DENND3: variants seen among roughly 807,000 people sequenced by gnomAD.
DENND3 encodes DENN domain-containing protein 3.
In DENND3, 88 loss-of-function variants were observed where a neutral mutation model predicts 135.1. That is an observed-to-expected ratio of 0.65 (90% confidence interval 0.55 to 0.78). The LOEUF (loss-of-function observed/expected upper bound fraction) is 0.78. DENND3 is among the 30% of genes least tolerant of loss of function. The pLI is 0.00. For missense variants in DENND3, 1,392 were observed against 1,688.4 expected (o/e 0.82, Z 3.08); for synonymous variants, 693 against 712.3 (o/e 0.97, Z 0.43).
rs1376968816 is a variant in DENND3, at chr8:141,182,671, T to C, written c.2944+1817T>C. On this transcript the variant is annotated intron_variant, in intron 17 of 22. Coordinates refer to ENST00000519811, the MANE Select transcript of DENND3 (RefSeq NM_001352890.3). The surrounding 1 kb of genome is among the most constrained non-coding windows in gnomAD (Gnocchi z 5.9). The stretch of plus-strand genomic sequence containing the variant: ...CTGTGGCTGCCGATTCTGGAAGGGG[T>C]GGCCGAGAAGCTGGTAGCCGAGCAG... Among the ~76,000 whole-genome samples, 1 of 151,918 alleles carries C rather than the reference T, an allele frequency of 6.6e-6. No individual in the cohort carries two copies. Among genetic ancestry groups the C allele is most frequent in the Non-Finnish European group, 1.5e-5 (1 of 67,974 alleles).
chr8:141,180,342 C>T (rs1434866571), intron 16 of DENND3, among the ~76,000 whole-genome samples: 1 of 152,238 alleles, frequency 6.6e-6, no homozygotes, highest in Non-Finnish European at 1.5e-5. Flanking sequence ...TGGGTTTCAT[C>T]TTGGGAGGGC....
Position 141,141,522 on chromosome 8 carries a change from G to A in DENND3, c.623+198G>A. ...CTTAGGCTGTTGCTTAAGGCTGGGG[G>A]CAGTGGGCAGGGGGTGTGGCAGCGG... On this transcript the variant is annotated intron_variant, in intron 4 of 22. Coordinates refer to ENST00000519811, the MANE Select transcript of DENND3 (RefSeq NM_001352890.3). The surrounding 1 kb of genome is among the most constrained non-coding windows in gnomAD (Gnocchi z 5.3). The A allele has an allele frequency of 3.3e-6, 2 of 608,756 alleles. No individual in the cohort carries two copies. Among genetic ancestry groups the A allele is most frequent in the South Asian group, 2.0e-5 (1 of 49,900 alleles). The allele number at this position is 608,756 out of a possible 1,614,324, so 37.7% of individuals were successfully genotyped here.
chr8:141,181,149 C>T (rs564938141), intron 17 of DENND3, among the ~76,000 whole-genome samples: 15 of 152,284 alleles, frequency 9.9e-5, no homozygotes, highest in East Asian at 9.7e-4. Context: ...CTAGAGCAGT[C>T]GACGGTCACG....
In DENND3 at chr8:141,139,675, C is replaced by T. The variant is rs1817216103; in HGVS notation, c.502-1528C>T. Among the ~76,000 whole-genome samples, 1 of 152,128 alleles carries T rather than the reference C, an allele frequency of 6.6e-6. No homozygotes were observed. Among genetic ancestry groups the T allele is most frequent in the Non-Finnish European group, 1.5e-5 (1 of 68,026 alleles). ...AATAACACTTACCAGGAGCAATGCG[C>T]ATGTTGTTTTCGTTATCATTAAATA... is the stretch of plus-strand genomic sequence containing the variant. On this transcript the variant is annotated intron_variant, in intron 3 of 22. Coordinates refer to ENST00000519811, the MANE Select transcript of DENND3 (RefSeq NM_001352890.3). The surrounding 1 kb of genome is among the most constrained non-coding windows in gnomAD (Gnocchi z 4.2).
intron 9 of DENND3, among the ~76,000 whole-genome samples, chr8:141,162,750 C>T (rs1820290718): frequency 6.6e-6 from 1 of 152,054 alleles, no homozygotes; most frequent in Admixed American, 6.6e-5. Context: ...CCCATCTCTA[C>T]TAAAAATATA....
chr8:141,190,600 CT>C, intron 20 of DENND3, 183 bp downstream of exon 20: 8 of 838,126 alleles, frequency 9.5e-6, no homozygotes, highest in African/African-American at 1.7e-5. Flanking sequence ...CTCCTGGGGG[CT>C]CCCCAGGCCT....
chr8:141,150,229 C>G (rs920265185), intron 5 of DENND3: 60 of 1,002,966 alleles, frequency 6.0e-5, no homozygotes, highest in Non-Finnish European at 7.4e-5. Context: ...CTGGCAGGCT[C>G]AGAAGCCCTC....
intron 7 of DENND3, among the ~76,000 whole-genome samples, chr8:141,155,280 C>T (rs1819305176): frequency 6.6e-6 from 1 of 152,028 alleles, no homozygotes; most frequent in Non-Finnish European, 1.5e-5. Flanking sequence ...GTTTATTTTA[C>T]CACAATTAAG....
intron 7 of DENND3, among the ~76,000 whole-genome samples, chr8:141,153,601 T>C (rs1204231625): frequency 6.6e-6 from 1 of 152,162 alleles, no homozygotes; most frequent in Non-Finnish European, 1.5e-5. Context: ...GGGTCCCCGC[T>C]GCGGGGGAGA....
In DENND3 at chr8:141,175,626, AAGGCTGATACCTTCTC is replaced by A; in HGVS notation, c.2535+170_2535+185del. 1 of 981,058 alleles carries A rather than the reference AAGGCTGATACCTTCTC, an allele frequency of 1.0e-6. No individual in the cohort carries two copies. Among genetic ancestry groups the A allele is most frequent in the South Asian group, 1.4e-5 (1 of 73,334 alleles). The allele number at this position is 981,058 out of a possible 1,614,324, so 60.8% of individuals were successfully genotyped here. On this transcript the variant is annotated intron_variant, in intron 14 of 22. Coordinates refer to ENST00000519811, the MANE Select transcript of DENND3 (RefSeq NM_001352890.3). This position sits in a 1 kb window ranked among gnomAD's most constrained non-coding sequence, Gnocchi z 5.4. The stretch of plus-strand genomic sequence containing the variant: ...GTTTGCTCATCTGTAAAGTAGGAAT[AAGGCTGATACCTTCTC>A]AGTGGGTGGTGGAGATTGAATAGTT...
At chr8:141,171,996 C>T (rs1179487704) in intron 13 of DENND3, among the ~76,000 whole-genome samples, 2 of 141,080 alleles carry the variant, frequency 1.4e-5, no homozygotes, top group Non-Finnish European at 3.0e-5. Flanking sequence ...TGGTGGTGGC[C>T]GTGCACAGTG....
At chr8:141,159,513 G>A (rs1038656796) in intron 8 of DENND3, among the ~76,000 whole-genome samples, 10 of 152,188 alleles carry the variant, frequency 6.6e-5, no homozygotes, top group Non-Finnish European at 1.2e-4. Context: ...TCGCTGTGAT[G>A]TGCGTTTCTG....
chr8:141,158,652 G>A (rs1186584760), intron 8 of DENND3, among the ~76,000 whole-genome samples: 1 of 152,234 alleles, frequency 6.6e-6, no homozygotes, highest in African/African-American at 2.4e-5. Flanking sequence ...GGGCTCTGGA[G>A]TACAATATGC....
Position 141,160,674 on chromosome 8 carries a change from C to T in DENND3, c.1239C>T (p.His413=), listed in dbSNP as rs371053985. 1 of 1,612,508 alleles carries T rather than the reference C, an allele frequency of 6.2e-7. No individual in the cohort carries two copies. Among genetic ancestry groups the T allele is most frequent in the African/African-American group, 1.3e-5 (1 of 74,916 alleles). Residue 413 remains histidine (H), a synonymous_variant, in exon 9 of 23, where the codon CAC becomes CAT. Transcript: ENST00000519811. Reference sequence around the variant, plus strand: ...TCCACCATGAGCTGCACGCCGCCCACCTCCTCTCCAGCACAGACCTGAAGG... The same window carrying T: ...TCCACCATGAGCTGCACGCCGCCCATCTCCTCTCCAGCACAGACCTGAAGG... ...LQLHHELHAA[H]LLSSTDLKEG...
chr8:141,177,946 T>A (rs1822606273), intron 15 of DENND3, 121 bp from the exon 16 acceptor site: 5 of 1,264,666 alleles, frequency 4.0e-6, no homozygotes, highest in Non-Finnish European at 5.3e-6. Flanking sequence ...TGATCTAAAC[T>A]CTTCATGTCA....
chr8:141,187,953 G>A (rs748588521), intron 18 of DENND3, among the ~76,000 whole-genome samples: 1 of 152,050 alleles, frequency 6.6e-6, no homozygotes, highest in Non-Finnish European at 1.5e-5. Flanking sequence ...TTGGGGGGCC[G>A]AAGCAGGAGG....
chr8:141,193,168 AT>A (rs1310240103), intron 22 of DENND3: 1 of 203,768 alleles, frequency 4.9e-6, no homozygotes. Flanking sequence ...GTGTGACCAC[AT>A]CTGAACTATC....
rs1332418075 is a variant in DENND3, at chr8:141,137,759, C to CTGTGGGCG, written c.386-263_386-262insTGTGGGCG. On this transcript the variant is annotated intron_variant, in intron 2 of 22. Coordinates refer to ENST00000519811, the MANE Select transcript of DENND3 (RefSeq NM_001352890.3). This position sits in a 1 kb window ranked among gnomAD's most constrained non-coding sequence, Gnocchi z 4.1. ...AGGGATTATAAACCTGGGACAGGCG[C>CTGTGGGCG]CAGGTGGGCGGCTGTGCCCAGCAAG... 6.6e-6 allele frequency among the ~76,000 whole-genome samples: 1 copy of CTGTGGGCG among 152,234 alleles called. No individual in the cohort carries two copies. Among genetic ancestry groups the CTGTGGGCG allele is most frequent in the Non-Finnish European group, 1.5e-5 (1 of 68,036 alleles).
rs1370138188 is a variant in DENND3, at chr8:141,174,536, G to T, written c.2276-664G>T. 6.6e-6 allele frequency among the ~76,000 whole-genome samples: 1 copy of T among 152,176 alleles called. No homozygotes were observed. The highest frequency in any genetic ancestry group is 1.5e-5 in the Non-Finnish European group (1 of 68,024). ...GATAAGCAGGTTCGTTCCGCGACTT[G>T]CCAGGAGTCTCTGTGAAAGGTCGTG... On this transcript the variant is annotated intron_variant, in intron 13 of 22. Transcript: ENST00000519811. This position sits in a 1 kb window ranked among gnomAD's most constrained non-coding sequence, Gnocchi z 4.6.
Sources: gnomAD v4.1 joint callset for allele counts (sites outside exome capture counted in the v4.1 genomes callset) on GRCh38, gnomAD v4.1.1 for gene constraint, Gnocchi (gnomAD v3.1) non-coding constraint, MANE v1.5 for transcripts, NCBI Gene and HGNC (gene_info 2026-07-23, HGNC 2026-07-21) for gene names.